C1QTNF3: variants seen among roughly 807,000 people sequenced by gnomAD.
C1QTNF3 encodes complement C1q tumor necrosis factor-related protein 3.
Under a neutral mutation model 32.6 loss-of-function variants are expected in C1QTNF3, and 26 were observed. That is an observed-to-expected ratio of 0.80 (90% CI 0.58 to 1.11). The LOEUF is 1.11. Among genes scored for constraint, C1QTNF3 ranks in the 50% least tolerant of loss-of-function variants. The probability of loss-of-function intolerance (pLI) is 0.00; values close to 1 mark genes in which losing one functional copy is unlikely to be tolerated. For missense variants in C1QTNF3, 362 were observed against 398.2 expected (o/e 0.91, Z 0.77); for synonymous variants, 155 against 146.0 (o/e 1.06, Z -0.44).
the C1QTNF3 span, among the ~76,000 whole-genome samples, chr5:34,071,096 T>C: frequency 6.6e-6 from 1 of 152,234 alleles, no homozygotes; most frequent in Non-Finnish European, 1.5e-5. Context: ...ATTAACAACA[T>C]ACCATCTGTA....
At chr5:34,062,071 C>T in the C1QTNF3 span, among the ~76,000 whole-genome samples, 1 of 152,212 alleles carries the variant, frequency 6.6e-6, no homozygotes. Context: ...CTACCAGATA[C>T]CCTAAATCAT....
At position 34,042,892 on chromosome 5, in the gene C1QTNF3, G is replaced by A; in HGVS notation, c.234C>T (p.Ser78=). The A allele has an allele frequency of 6.2e-7, 1 of 1,614,136 alleles. No individual in the cohort carries two copies. Among genetic ancestry groups the A allele is most frequent in the South Asian group, 1.1e-5 (1 of 91,072 alleles). ...VDNNTSTDLK[S]LRPDELPHPE... Reference sequence around the variant, plus strand: ...GGTGCGGTAGCTCATCTGGTCTCAGGGATTTTAGGTCTGTAGAAGTGTTAT... The same window carrying A: ...GGTGCGGTAGCTCATCTGGTCTCAGAGATTTTAGGTCTGTAGAAGTGTTAT... The change falls in exon 1 of 6, where the codon TCC becomes TCT. Residue 78 remains serine (S), a synonymous_variant. Coordinates refer to ENST00000382065, the MANE Select transcript of C1QTNF3 (RefSeq NM_181435.6).
At chr5:34,038,637 CAAATAACCAGGAAAGATTAACCACT>C (rs1754798025) in intron 1 of C1QTNF3, among the ~76,000 whole-genome samples, 1 of 152,140 alleles carries the variant, frequency 6.6e-6, no homozygotes, top group South Asian at 2.1e-4. Flanking sequence ...GGAATCTCAT[CAAATAACCAGGAAAGATTAACCACT>C]GGAGAACTGA....
rs1209163154 is a variant in C1QTNF3, at chr5:34,043,012, T to C, written c.114A>G (p.Ala38=). 2 of 1,614,078 alleles carry C rather than the reference T, an allele frequency of 1.2e-6. No homozygotes were observed. The highest frequency in any genetic ancestry group is 1.7e-6 in the Non-Finnish European group (2 of 1,180,046). ...EVSGRTNKVV[A]RIVQSHQQTG... Reference sequence around the variant, plus strand: ...TCTGCTGGTGGCTTTGCACTATTCTTGCCACCACTTTATTAGTTCTTCCGC... The same window carrying C: ...TCTGCTGGTGGCTTTGCACTATTCTCGCCACCACTTTATTAGTTCTTCCGC... Residue 38 remains alanine, a synonymous_variant, in exon 1 of 6, where the codon GCA becomes GCG. Coordinates refer to ENST00000382065, the MANE Select transcript of C1QTNF3 (RefSeq NM_181435.6).
At chr5:34,176,187 A>G in the C1QTNF3 span, among the ~76,000 whole-genome samples, 3 of 145,352 alleles carry the variant, frequency 2.1e-5, no homozygotes, top group Non-Finnish European at 4.5e-5. Context: ...CTCACTCATA[A>G]GTGGGAATTG....
At chr5:34,113,849 T>C in the C1QTNF3 span, among the ~76,000 whole-genome samples, 2 of 152,158 alleles carry the variant, frequency 1.3e-5, no homozygotes, top group Non-Finnish European at 2.9e-5. Flanking sequence ...GTGAGTAGAT[T>C]TGAAAGAGCA....
intron 2 of C1QTNF3, among the ~76,000 whole-genome samples, chr5:34,035,362 G>A (rs1754710638): frequency 1.3e-5 from 2 of 152,184 alleles, no homozygotes; most frequent in Non-Finnish European, 2.9e-5. Flanking sequence ...TCAGTGACTG[G>A]CATTGAGATG....
Position 34,019,252 on chromosome 5 carries a change from C to T in C1QTNF3, c.*1331G>A, listed in dbSNP as rs1225358843. Among the ~76,000 whole-genome samples the T allele has an allele frequency of 6.6e-6, 1 of 152,188 alleles. No individual in the cohort carries two copies. Among genetic ancestry groups the T allele is most frequent in the Non-Finnish European group, 1.5e-5 (1 of 68,040 alleles). ...TGGGACACTTGTGAAATCAGTCTTC[C>T]AAGTATATTTCTGGTCATGGGTAAA... On this transcript the variant is annotated 3_prime_UTR_variant, in exon 6 of 6. Coordinates refer to ENST00000382065, the MANE Select transcript of C1QTNF3 (RefSeq NM_181435.6).
chr5:34,238,281 A>C, the C1QTNF3 span, among the ~76,000 whole-genome samples: 40 of 152,278 alleles, frequency 2.6e-4, no homozygotes, highest in African/African-American at 8.9e-4. Context: ...AATGGTTCTT[A>C]ATCAGTCTAA....
the C1QTNF3 span, among the ~76,000 whole-genome samples, chr5:34,196,423 C>A: frequency 2.0e-5 from 3 of 152,282 alleles, no homozygotes; most frequent in African/African-American, 7.2e-5. Flanking sequence ...CAGGCATAAG[C>A]CACCACGCCT....
the C1QTNF3 span, among the ~76,000 whole-genome samples, chr5:34,203,791 A>G: frequency 6.6e-6 from 1 of 151,914 alleles, no homozygotes; most frequent in Non-Finnish European, 1.5e-5. Context: ...CTGAAAAGTA[A>G]AGACACATAC....
the C1QTNF3 span, among the ~76,000 whole-genome samples, chr5:34,103,484 T>G: frequency 6.6e-6 from 1 of 150,612 alleles, no homozygotes; most frequent in Non-Finnish European, 1.5e-5. Context: ...TCACAGCTTA[T>G]AATTTGCCTT....
the C1QTNF3 span, among the ~76,000 whole-genome samples, chr5:34,219,538 C>T: frequency 8.6e-4 from 130 of 150,866 alleles, no homozygotes; most frequent in African/African-American, 7.3e-4. Context: ...GTCACATGAA[C>T]GAGTACTTTT....
At chr5:34,201,121 C>A in the C1QTNF3 span, among the ~76,000 whole-genome samples, 2 of 151,896 alleles carry the variant, frequency 1.3e-5, no homozygotes, top group Non-Finnish European at 2.9e-5. Context: ...CCACACCTAC[C>A]ACAGTACCTG....
the C1QTNF3 span, among the ~76,000 whole-genome samples, chr5:34,230,679 T>C: frequency 1.3e-5 from 2 of 152,188 alleles, no homozygotes; most frequent in African/African-American, 4.8e-5. Context: ...CGTAAATCAA[T>C]TCAAATTCAC....
chr5:34,137,835 A>G, the C1QTNF3 span, among the ~76,000 whole-genome samples: 1 of 152,212 alleles, frequency 6.6e-6, no homozygotes, highest in African/African-American at 2.4e-5. Flanking sequence ...TGCTAGAAAA[A>G]GAATTCATGT....
rs958634811 is a variant in C1QTNF3, at chr5:34,033,243, C to T, written c.570+61G>A. The T allele has an allele frequency of 5.1e-6, 8 of 1,573,310 alleles. No homozygotes were observed. In the African/African-American group the frequency reaches 6.9e-5, roughly 14 times the overall value. ...AGGAAGCGCTCGAACATCCTGATTC[C>T]TGGCCCCTTTTGGTCAGGCAGGTTG... On this transcript the variant is annotated intron_variant, in intron 3 of 5. Transcript: ENST00000382065.
chr5:34,165,629 A>C, the C1QTNF3 span: 1 of 152,176 alleles, frequency 6.6e-6, no homozygotes, highest in East Asian at 1.9e-4. Context: ...TTAAATGAAG[A>C]AGTCTTTTTA....
At chr5:34,040,035 CTTT>C (rs1420771410) in intron 1 of C1QTNF3, among the ~76,000 whole-genome samples, 1 of 152,190 alleles carries the variant, frequency 6.6e-6, no homozygotes, top group Non-Finnish European at 1.5e-5. Flanking sequence ...CTGGCCTTGT[CTTT>C]CAAAGTTCAG....
Sources: allele counts gnomAD v4.1 joint callset (sites outside exome capture counted in the v4.1 genomes callset), GRCh38; gene constraint gnomAD v4.1.1; transcripts MANE v1.5; gene names NCBI Gene and HGNC (gene_info 2026-07-23, HGNC 2026-07-21).